The following KCNQ5 variants were observed in gnomAD, a reference collection of about 807,000 sequenced individuals.
KCNQ5 encodes the protein potassium voltage-gated channel subfamily Q member 5.
Under a neutral mutation model 98.2 loss-of-function variants are expected in KCNQ5, and 30 were observed. The ratio of observed to expected loss-of-function variants is 0.31; its 90% CI spans 0.23 to 0.41. KCNQ5 has a LOEUF of 0.41. Ranked by LOEUF, KCNQ5 falls within the 10% of genes least tolerant of loss-of-function variation. The pLI, the probability that KCNQ5 is intolerant of heterozygous loss-of-function variation, is 1.00. For synonymous variants in KCNQ5, 458 were observed against 449.4 expected (o/e 1.02, Z -0.24); for missense variants, 835 against 1,182.5 (o/e 0.71, Z 4.31).
intron 1 of KCNQ5, among the ~76,000 whole-genome samples, chr6:72,940,868 A>G (rs948069449): frequency 2.0e-5 from 3 of 152,224 alleles, no homozygotes; most frequent in Non-Finnish European, 4.4e-5. Context: ...CATGCAAAGT[A>G]TTTAGAGAAA....
intron 3 of KCNQ5, among the ~76,000 whole-genome samples, chr6:73,056,212 C>T (rs1053415697): frequency 1.2e-4 from 18 of 152,152 alleles, no homozygotes; most frequent in Admixed American, 5.2e-4. Context: ...AGCCTGTCTG[C>T]CCCCAGGAGC....
intron 1 of KCNQ5, among the ~76,000 whole-genome samples, chr6:72,730,805 A>G (rs2207266): frequency 0.37 from 55,313 of 151,502 alleles, 13,667 homozygotes; most frequent in African/African-American, 0.67. Context: ...TTCTTTTTCC[A>G]TATAAACTTT....
chr6:72,943,630 T>C (rs1459108931), intron 1 of KCNQ5, among the ~76,000 whole-genome samples: 1 of 152,236 alleles, frequency 6.6e-6, no homozygotes, highest in Non-Finnish European at 1.5e-5. Context: ...AGCGCATTCA[T>C]TTGAGGAGAC....
chr6:72,943,586 A>G lies in KCNQ5; in HGVS notation c.399-60322A>G, dbSNP rs1452489099. On this transcript the variant is annotated intron_variant, in intron 1 of 13. Transcript: ENST00000370398. Reference sequence around the variant, plus strand: ...AAATTATTGAATAAATTCTAGGAGTAGTTTATTACTAAGAGTGAGTTAAAT... The same window carrying G: ...AAATTATTGAATAAATTCTAGGAGTGGTTTATTACTAAGAGTGAGTTAAAT... Among the ~76,000 whole-genome samples the G allele has an allele frequency of 2.0e-5, 3 of 152,238 alleles. 1 individual carries two copies. Among genetic ancestry groups the G allele is most frequent in the Admixed American group, 6.5e-5 (1 of 15,284 alleles).
chr6:72,879,269 T>C (rs753088950), intron 1 of KCNQ5, among the ~76,000 whole-genome samples: 1 of 152,196 alleles, frequency 6.6e-6, no homozygotes, highest in Non-Finnish European at 1.5e-5. Flanking sequence ...AATTTCTCCT[T>C]ATTCTTACCA....
chr6:72,925,485 CTTAA>C (rs1562071662), intron 1 of KCNQ5, among the ~76,000 whole-genome samples: 1 of 152,160 alleles, frequency 6.6e-6, no homozygotes, highest in Admixed American at 6.5e-5. Flanking sequence ...TCAAATATTT[CTTAA>C]TTGAGTATCC....
intron 1 of KCNQ5, among the ~76,000 whole-genome samples, chr6:72,827,608 C>T (rs1367454633): frequency 6.6e-6 from 1 of 151,958 alleles, no homozygotes; most frequent in Non-Finnish European, 1.5e-5. Context: ...TGTTTGAGTT[C>T]CTTGTATATT....
chr6:72,903,941 CACTATTACTGTGTT>C (rs1779603704), intron 1 of KCNQ5, among the ~76,000 whole-genome samples: 1 of 152,070 alleles, frequency 6.6e-6, no homozygotes, highest in Non-Finnish European at 1.5e-5. Flanking sequence ...TGAAGTCTCC[CACTATTACTGTGTT>C]ACTATATATC....
intron 1 of KCNQ5, among the ~76,000 whole-genome samples, chr6:72,708,714 G>A (rs898555764): frequency 1.3e-5 from 2 of 152,058 alleles, no homozygotes; most frequent in Admixed American, 6.6e-5. Context: ...TAGAGACGGT[G>A]TCTGGCCATG....
intron 3 of KCNQ5, chr6:73,055,206 C>T (rs1369231398): frequency 5.9e-5 from 62 of 1,055,562 alleles, no homozygotes; most frequent in Middle Eastern, 3.0e-4. Flanking sequence ...GGCCATGAGG[C>T]GGCAAAGCAG....
At chr6:72,693,669 C>T (rs1029909713) in intron 1 of KCNQ5, among the ~76,000 whole-genome samples, 4 of 152,144 alleles carry the variant, frequency 2.6e-5, no homozygotes, top group Non-Finnish European at 4.4e-5. Context: ...GTCAAAACTC[C>T]ACCTAAAACT....
At chr6:72,718,458 T>C (rs1207144805) in intron 1 of KCNQ5, among the ~76,000 whole-genome samples, 15 of 139,482 alleles carry the variant, frequency 1.1e-4, no homozygotes, top group Admixed American at 1.1e-3. Flanking sequence ...TTTTTTTTTT[T>C]TTTTTTTTTT....
At chr6:73,124,548 A>C in intron 9 of KCNQ5, 36 bp downstream of exon 9, 2 of 1,592,078 alleles carry the variant, frequency 1.3e-6, no homozygotes. Flanking sequence ...GTTTGTTTAT[A>C]AATCTGATAC....
In KCNQ5 at chr6:72,976,663, T is replaced by C. The variant is rs80127173; in HGVS notation, c.399-27245T>C. On this transcript the variant is annotated intron_variant, in intron 1 of 13. Coordinates refer to ENST00000370398, the MANE Select transcript of KCNQ5 (RefSeq NM_019842.4). ...GCCAGGTCAGCAGAGTCATTAGTGG[T>C]CATTTTAATGATGACTTGGAAACCC... Among the ~76,000 whole-genome samples, 431 of 152,346 alleles carry C rather than the reference T, an allele frequency of 2.8e-3. 5 individuals carry two copies. The highest frequency in any genetic ancestry group is 0.025 in the East Asian group (132 of 5,188).
intron 1 of KCNQ5, among the ~76,000 whole-genome samples, chr6:72,812,281 T>C (rs902547802): frequency 1.3e-5 from 2 of 152,152 alleles, no homozygotes; most frequent in African/African-American, 4.8e-5. Flanking sequence ...CTGACCTCCT[T>C]GGAATGCAGC....
At chr6:72,666,687 G>T (rs78115542) in intron 1 of KCNQ5, among the ~76,000 whole-genome samples, 2,028 of 152,190 alleles carry the variant, frequency 0.013, 31 homozygotes, top group African/African-American at 0.042. Context: ...ATGTTAACAT[G>T]AAGTTTTGAG....
At chr6:73,130,902 T>G (rs887904957) in intron 9 of KCNQ5, among the ~76,000 whole-genome samples, 1 of 152,218 alleles carries the variant, frequency 6.6e-6, no homozygotes, top group Non-Finnish European at 1.5e-5. Flanking sequence ...AAACATTACA[T>G]TTTTTCTAAT....
intron 1 of KCNQ5, among the ~76,000 whole-genome samples, chr6:72,649,840 A>G (rs1436937437): frequency 1.3e-5 from 2 of 152,164 alleles, no homozygotes; most frequent in Admixed American, 6.6e-5. Context: ...GGTCACAGAC[A>G]ACATGAACTT....
chr6:73,180,503 CAT>C (rs1363095646), intron 11 of KCNQ5, among the ~76,000 whole-genome samples: 1 of 152,184 alleles, frequency 6.6e-6, no homozygotes, highest in Non-Finnish European at 1.5e-5. Context: ...ATGGGTCTGA[CAT>C]GTGCGACTTA....
Sources: allele counts gnomAD v4.1 joint callset (sites outside exome capture counted in the v4.1 genomes callset), GRCh38; gene constraint gnomAD v4.1.1; transcripts MANE v1.5; gene names NCBI Gene and HGNC (gene_info 2026-07-23, HGNC 2026-07-21).